Variants in TXNL1 observed in about 807,000 individuals in gnomAD.
The protein encoded by TXNL1 is thioredoxin-like protein 1.
TXNL1 carries 14 observed loss-of-function variants against 35.5 expected under a neutral mutation model. The ratio of observed to expected loss-of-function variants is 0.39; its 90% CI spans 0.26 to 0.62. The LOEUF is 0.62. Ranked by LOEUF, TXNL1 falls within the 20% of genes least tolerant of loss-of-function variation. The pLI, the probability that TXNL1 is intolerant of heterozygous loss-of-function variation, is 0.47. For missense variants in TXNL1, 263 were observed against 349.7 expected (o/e 0.75, Z 1.98); for synonymous variants, 110 against 115.5 (o/e 0.95, Z 0.31).
rs754532338 is a variant in TXNL1, at chr18:56,626,362, T to C, written c.194A>G (p.Gln65Arg). ...AGAAAAAAGATTCCTTTCCCTTACCTGACACTGATGTACATCGACTTCCAA... is the reference window on the plus strand; with the variant it reads ...AGAAAAAAGATTCCTTTCCCTTACCCGACACTGATGTACATCGACTTCCAA... Reference protein sequence around the residue: ...VFLEVDVHQCQGTAATNNISA... With the variant: ...VFLEVDVHQCRGTAATNNISA... Residue 65 changes from glutamine to arginine, a missense_variant and splice_region_variant, in exon 2 of 8, where the codon CAG becomes CGG. Physicochemically the swap from Gln to Arg is conservative, Grantham distance 43. Coordinates refer to ENST00000217515, the MANE Select transcript of TXNL1 (RefSeq NM_004786.3). 1 of 1,607,240 alleles carries C rather than the reference T, an allele frequency of 6.2e-7. No homozygotes were observed. The highest frequency in any genetic ancestry group is 1.7e-5 in the Admixed American group (1 of 57,642).
At chr18:56,632,973 T>C (rs1487827109) in intron 1 of TXNL1, among the ~76,000 whole-genome samples, 1 of 152,216 alleles carries the variant, frequency 6.6e-6, no homozygotes, top group African/African-American at 2.4e-5. Context: ...AATTAACATA[T>C]GTTTAATATA....
intron 3 of TXNL1, among the ~76,000 whole-genome samples, chr18:56,621,323 T>C (rs2024179971): frequency 1.3e-5 from 2 of 151,876 alleles, no homozygotes; most frequent in Non-Finnish European, 2.9e-5. Context: ...GCCTCCCGAG[T>C]TGCTGGGACT....
At chr18:56,604,408 G>A (rs2023856407) in intron 7 of TXNL1, 1 of 152,198 alleles carries the variant, frequency 6.6e-6, no homozygotes. Flanking sequence ...TCTAGCAGAT[G>A]TGATACAGAA....
At chr18:56,606,172 C>T (rs1454868510) in intron 7 of TXNL1, among the ~76,000 whole-genome samples, 2 of 152,078 alleles carry the variant, frequency 1.3e-5, no homozygotes, top group African/African-American at 2.4e-5. Flanking sequence ...GTCAGGAGAT[C>T]GAGACCATCC....
Position 56,626,424 on chromosome 18 carries a change from G to C in TXNL1, c.132C>G (p.Phe44Leu), listed in dbSNP as rs772231229. The C allele has an allele frequency of 1.2e-6, 2 of 1,613,270 alleles. No individual in the cohort carries two copies. Among genetic ancestry groups the C allele is most frequent in the Non-Finnish European group, 1.7e-6 (2 of 1,179,608 alleles). Residue 44 changes from phenylalanine to leucine, a missense_variant, in exon 2 of 8, where the codon TTC becomes TTG. Coordinates refer to ENST00000217515, the MANE Select transcript of TXNL1 (RefSeq NM_004786.3). ...CGPCLRIAPA[F>L]SSMSNKYPQA... is the part of the protein sequence containing the mutation. ...GTGGATATTTATTACTCATAGAACT[G>C]AATGCTGGGGCAATCCTCAAACATG...
At chr18:56,621,270 A>G (rs1277075672) in intron 3 of TXNL1, among the ~76,000 whole-genome samples, 1 of 150,090 alleles carries the variant, frequency 6.7e-6, no homozygotes, top group Non-Finnish European at 1.5e-5. Context: ...CAGTGGCGCA[A>G]TCTTGGCTCA....
At chr18:56,630,340 G>T (rs940421818) in intron 1 of TXNL1, among the ~76,000 whole-genome samples, 7 of 152,192 alleles carry the variant, frequency 4.6e-5, no homozygotes, top group Admixed American at 1.3e-4. Context: ...CAGGTGTTGT[G>T]ACAAAGCAGA....
At chr18:56,631,473 GAAAA>G (rs199616994) in intron 1 of TXNL1, among the ~76,000 whole-genome samples, 2 of 144,470 alleles carry the variant, frequency 1.4e-5, no homozygotes, top group African/African-American at 2.5e-5. Context: ...TTAAAATGAA[GAAAA>G]AAAAAAAGTT....
Position 56,627,219 on chromosome 18 carries a change from TAA to T in TXNL1, c.99-764_99-763del, listed in dbSNP as rs367799528. 3.2e-3 allele frequency among the ~76,000 whole-genome samples: 493 copies of T among 152,276 alleles called. 2 individuals are homozygous for T. The highest frequency in any genetic ancestry group is 0.017 in the Middle Eastern group (5 of 294). On this transcript the variant is annotated intron_variant, in intron 1 of 7. Transcript: ENST00000217515. ...ATTTAGTCTTCATAACTAATAGTGTTAAGTCTTCTAGCTTTGTTCTCACTGAG... is the reference window on the plus strand; with the variant it reads ...ATTTAGTCTTCATAACTAATAGTGTTGTCTTCTAGCTTTGTTCTCACTGAG...
At chr18:56,610,614 C>T (rs191618293) in intron 7 of TXNL1, 1 of 152,756 alleles carries the variant, frequency 6.5e-6, no homozygotes, top group African/African-American at 2.4e-5. Flanking sequence ...AAAATTTCAT[C>T]AGAAATAATC....
intron 1 of TXNL1, among the ~76,000 whole-genome samples, chr18:56,627,427 A>T (rs1469380602): frequency 6.6e-6 from 1 of 152,204 alleles, no homozygotes; most frequent in East Asian, 1.9e-4. Context: ...AATGCCAAGG[A>T]CAGCCCAAGT....
In TXNL1 at chr18:56,617,487, G is replaced by C. The variant is rs180968130; in HGVS notation, c.492+517C>G. On this transcript the variant is annotated intron_variant, in intron 4 of 7. Coordinates refer to ENST00000217515, the MANE Select transcript of TXNL1 (RefSeq NM_004786.3). ...GGGACAAATCAGTGACAATGGAAGA[G>C]AAAGTAAACTGAGAAAAGTAACAGC... is the stretch of plus-strand genomic sequence containing the variant. Among the ~76,000 whole-genome samples the C allele has an allele frequency of 1.3e-3, 200 of 152,258 alleles. 1 individual carries two copies. Among genetic ancestry groups the C allele is most frequent in the African/African-American group, 4.6e-3 (191 of 41,534 alleles).
Position 56,622,766 on chromosome 18 carries a change from G to GA in TXNL1, c.369+1521dup, listed in dbSNP as rs553045702. 2.2e-4 allele frequency among the ~76,000 whole-genome samples: 34 copies of GA among 151,982 alleles called. 1 individual carries two copies. Among genetic ancestry groups the GA allele is most frequent in the Admixed American group, 2.0e-3 (31 of 15,270 alleles). ...ATGCAAACACCCTTAGTAATAAAGG[G>GA]AAAAAAATACAAAGATATAAACACA... On this transcript the variant is annotated intron_variant, in intron 3 of 7. Coordinates refer to ENST00000217515, the MANE Select transcript of TXNL1 (RefSeq NM_004786.3).
Position 56,602,968 on chromosome 18 carries a change from G to A in TXNL1, c.*59C>T. 2 of 1,551,376 alleles carry A rather than the reference G, an allele frequency of 1.3e-6. No individual in the cohort carries two copies. The highest frequency in any genetic ancestry group is 1.1e-5 in the South Asian group (1 of 89,552). ...ATTGACAGTCTCTGGCGAGAATCAA[G>A]CAATTATCCAGGAGCTGTAGATCTG... On this transcript the variant is annotated 3_prime_UTR_variant, in exon 8 of 8. Coordinates refer to ENST00000217515, the MANE Select transcript of TXNL1 (RefSeq NM_004786.3).
Position 56,599,491 on chromosome 18 carries a change from CTAATAA to C in TXNL1, c.*3530_*3535del, listed in dbSNP as rs1393864537. ...TTACAAAACTGTAAAATACACACCT[CTAATAA>C]TGAGTTTTAAAGCTAAATGAGCAAA... is the stretch of plus-strand genomic sequence containing the variant. On this transcript the variant is annotated 3_prime_UTR_variant, in exon 8 of 8. Coordinates refer to ENST00000217515, the MANE Select transcript of TXNL1 (RefSeq NM_004786.3). The C allele has an allele frequency of 2.6e-5, 4 of 151,766 alleles. No homozygotes were observed. The highest frequency in any genetic ancestry group is 7.3e-5 in the African/African-American group (3 of 41,298). The allele number at this position is 151,766 out of a possible 1,614,324, so 9.4% of individuals were successfully genotyped here.
intron 1 of TXNL1, 39 bp downstream of exon 1, chr18:56,638,304 G>C: frequency 6.4e-7 from 1 of 1,571,108 alleles, no homozygotes; most frequent in Non-Finnish European, 8.7e-7. Flanking sequence ...AAGCAAGGAA[G>C]GACAGACGGG....
chr18:56,616,230 C>T lies in TXNL1; in HGVS notation c.562+15G>A. ...AAGCAGAAGTTAGTTTAAAGAAAAG[C>T]TATCCTTTACTCACCATTATCTGGC... is the stretch of plus-strand genomic sequence containing the variant. On this transcript the variant is annotated intron_variant, in intron 5 of 7. Coordinates refer to ENST00000217515, the MANE Select transcript of TXNL1 (RefSeq NM_004786.3). 1 of 1,609,052 alleles carries T rather than the reference C, an allele frequency of 6.2e-7. No individual in the cohort carries two copies. The highest frequency in any genetic ancestry group is 8.5e-7 in the Non-Finnish European group (1 of 1,177,244).
chr18:56,636,963 G>A (rs1453826216), intron 1 of TXNL1, among the ~76,000 whole-genome samples: 2 of 152,098 alleles, frequency 1.3e-5, no homozygotes, highest in African/African-American at 4.8e-5. Context: ...TGCTAAAAAT[G>A]AGAAGACACA....
At chr18:56,605,397 C>G (rs2023874406) in intron 7 of TXNL1, 1 of 152,024 alleles carries the variant, frequency 6.6e-6, no homozygotes, top group South Asian at 2.1e-4. Flanking sequence ...GAAAAATAAA[C>G]AGACAGAAAT....
Sources: allele counts gnomAD v4.1 joint callset (sites outside exome capture counted in the v4.1 genomes callset), GRCh38; gene constraint gnomAD v4.1.1; transcripts MANE v1.5; gene names NCBI Gene and HGNC (gene_info 2026-07-23, HGNC 2026-07-21).